CSE1L: variants seen among roughly 807,000 people sequenced by gnomAD.
The protein encoded by CSE1L is exportin-2.
Under a neutral mutation model 120.4 loss-of-function variants are expected in CSE1L, and 24 were observed. That is an observed-to-expected ratio of 0.20 (90% CI 0.14 to 0.28). The LOEUF is 0.28. Ranked by LOEUF, CSE1L falls within the 10% of genes least tolerant of loss-of-function variation. The pLI is 1.00. For synonymous variants in CSE1L, 402 were observed against 398.3 expected (o/e 1.01, Z -0.11); for missense variants, 830 against 1,145.2 (o/e 0.72, Z 3.97).
chr20:49,056,362 C>G (rs903275421), intron 1 of CSE1L, among the ~76,000 whole-genome samples: 7 of 152,144 alleles, frequency 4.6e-5, no homozygotes, highest in Non-Finnish European at 8.8e-5. Flanking sequence ...CCTCAGCCTC[C>G]CAAAGTGCTG....
intron 14 of CSE1L, among the ~76,000 whole-genome samples, chr20:49,080,945 T>A (rs1161367364): frequency 6.6e-6 from 1 of 151,890 alleles, no homozygotes; most frequent in East Asian, 1.9e-4. Context: ...CCTGGCTAAT[T>A]TTTTATACTT....
rs1003921711 is a variant in CSE1L, at chr20:49,046,442, A to G, written c.-12+19A>G. 1 of 152,232 alleles carries G rather than the reference A, an allele frequency of 6.6e-6. No individual in the cohort carries two copies. The highest frequency in any genetic ancestry group is 1.5e-5 in the Non-Finnish European group (1 of 68,088). The allele number at this position is 152,232 out of a possible 1,614,324, so 9.4% of individuals were successfully genotyped here. A position where few individuals can be genotyped will look rare whatever the true frequency, so the allele number is the denominator to read the frequency against. On this transcript the variant is annotated intron_variant, in intron 1 of 24. Coordinates refer to ENST00000262982, the MANE Select transcript of CSE1L (RefSeq NM_001316.4). ...CCACGAGGTGAGGCGCGGGGCGTGC[A>G]CGGCCTACCAGAGTGGCTCTTGGGG...
Position 49,085,288 on chromosome 20 carries a change from C to T in CSE1L, c.1625C>T (p.Thr542Ile). ...MRGPNNATLF[T>I]AAEIAPFVEI... Reference sequence around the variant, plus strand: ...AGCTGTTTTTTCATCTATAGCTTTACAGCTGCAGAAATCGCACCGTTTGTT... The same window carrying T: ...AGCTGTTTTTTCATCTATAGCTTTATAGCTGCAGAAATCGCACCGTTTGTT... Residue 542 changes from threonine to isoleucine, a missense_variant, in exon 16 of 25, where the codon ACA becomes ATA. Thr to Ile is a moderately conservative substitution (Grantham distance 89). Transcript: ENST00000262982. The T allele has an allele frequency of 6.2e-7, 1 of 1,613,388 alleles. No homozygotes were observed. Among genetic ancestry groups the T allele is most frequent in the Non-Finnish European group, 8.5e-7 (1 of 1,179,432 alleles).
chr20:49,072,813 A>C (rs2123709924), intron 10 of CSE1L, 116 bp downstream of exon 10: 1 of 1,090,700 alleles, frequency 9.2e-7, no homozygotes, highest in African/African-American at 1.6e-5. Context: ...TTTATTTCTT[A>C]TTTTCTAAAC....
In CSE1L at chr20:49,066,255, C is replaced by T. The variant is rs1380121987; in HGVS notation, c.292C>T (p.His98Tyr). Reference protein sequence around the residue: ...DRVAIKANIVHLMLSSPEQIQ... With the variant: ...DRVAIKANIVYLMLSSPEQIQ... ...AGTGGCCATTAAAGCCAACATAGTG[C>T]ACTTGATGCTTAGCAGCCCAGAGCA... Residue 98 changes from histidine (H) to tyrosine (Y), a missense_variant, in exon 4 of 25, where the codon CAC (histidine) becomes TAC (tyrosine). This residue lies in a region of CSE1L where 543 missense variants were observed against 640.2 expected (regional missense o/e 0.85). Coordinates refer to ENST00000262982, the MANE Select transcript of CSE1L (RefSeq NM_001316.4). 6.2e-7 allele frequency: 1 copy of T among 1,614,194 alleles called. No homozygotes were observed. The highest frequency in any genetic ancestry group is 1.7e-5 in the Admixed American group (1 of 60,018).
chr20:49,092,005 G>C, intron 21 of CSE1L, 41 bp from the exon 22 acceptor site: 1 of 1,100,262 alleles, frequency 9.1e-7, no homozygotes, highest in Non-Finnish European at 1.4e-6. Flanking sequence ...AGTTTAGTGC[G>C]TGAGTTCTCT....
chr20:49,090,610 G>A, intron 19 of CSE1L, 132 bp from the exon 20 acceptor site: 4 of 702,994 alleles, frequency 5.7e-6, no homozygotes, highest in Non-Finnish European at 7.2e-6. Context: ...TTCCCCATAT[G>A]TTTCAGAAAT....
intron 3 of CSE1L, among the ~76,000 whole-genome samples, chr20:49,065,175 A>T (rs543277679): frequency 6.6e-6 from 1 of 151,138 alleles, no homozygotes; most frequent in South Asian, 2.1e-4. Flanking sequence ...AAAAAAGAAT[A>T]AAAAAAATTG....
In CSE1L at chr20:49,072,203, C is replaced by G. The variant is rs2295581; in HGVS notation, c.769-83C>G. The G allele has an allele frequency of 4.5e-5, 63 of 1,403,848 alleles. No individual in the cohort carries two copies. The East Asian group carries it at 1.4e-3, about 31-fold the overall frequency. 87.0% of individuals were successfully genotyped at this position (1,403,848 alleles called of 1,614,324 possible). A position where few individuals can be genotyped will look rare whatever the true frequency, so the allele number is the denominator to read the frequency against. On this transcript the variant is annotated intron_variant, in intron 8 of 24. Coordinates refer to ENST00000262982, the MANE Select transcript of CSE1L (RefSeq NM_001316.4). Reference sequence around the variant, plus strand: ...GATTTGGATTTAATTGATAAAGAGTCTAGTTCAGGAATTTCAGTTACTCCT... The same window carrying G: ...GATTTGGATTTAATTGATAAAGAGTGTAGTTCAGGAATTTCAGTTACTCCT...
At chr20:49,061,374 G>A (rs1455663929) in intron 2 of CSE1L, among the ~76,000 whole-genome samples, 10 of 150,744 alleles carry the variant, frequency 6.6e-5, no homozygotes, top group South Asian at 4.2e-4. Flanking sequence ...GGGTTTCACC[G>A]TGTTAGCCAG....
At chr20:49,080,486 T>G (rs1368751199) in intron 14 of CSE1L, among the ~76,000 whole-genome samples, 1 of 152,184 alleles carries the variant, frequency 6.6e-6, no homozygotes, top group African/African-American at 2.4e-5. Flanking sequence ...TGAGATATAC[T>G]TTATTCTTTT....
rs763233415 is a variant in CSE1L, at chr20:49,096,439, A to AG, written c.*1_*2insG. 6.2e-7 allele frequency: 1 copy of AG among 1,611,926 alleles called. No homozygotes were observed. The highest frequency in any genetic ancestry group is 1.7e-5 in the Admixed American group (1 of 60,020). On this transcript the variant is annotated 3_prime_UTR_variant, in exon 25 of 25. Transcript: ENST00000262982. ...GGCAGCCAGTGTGACACTGCTTTAA[A>AG]CTGCATTTTTCTAATGGGCTAAACC...
intron 3 of CSE1L, among the ~76,000 whole-genome samples, chr20:49,065,313 A>AATTTTTTTTTTTTT (rs775165525): frequency 1.9e-5 from 1 of 52,080 alleles, no homozygotes; most frequent in African/African-American, 6.3e-5. Context: ...TGAAAAAAAA[A>AATTTTTTTTTTTTT]TTTTTTTTTT....
chr20:49,082,627 C>T (rs1194530377), intron 14 of CSE1L, among the ~76,000 whole-genome samples: 1 of 152,206 alleles, frequency 6.6e-6, no homozygotes, highest in African/African-American at 2.4e-5. Context: ...TCATGCCATT[C>T]TCCTGCCTCA....
chr20:49,086,105 A>G (rs2092055038), intron 16 of CSE1L, among the ~76,000 whole-genome samples: 1 of 152,138 alleles, frequency 6.6e-6, no homozygotes, highest in South Asian at 2.1e-4. Flanking sequence ...TGGTGTATCC[A>G]TCCACCAGGC....
At chr20:49,064,764 C>T (rs1438039568) in intron 3 of CSE1L, among the ~76,000 whole-genome samples, 1 of 151,360 alleles carries the variant, frequency 6.6e-6, no homozygotes, top group Non-Finnish European at 1.5e-5. Flanking sequence ...CATGCCAGCC[C>T]TCTCCCTCTA....
chr20:49,076,529 T>TC (rs2091969883), intron 12 of CSE1L, among the ~76,000 whole-genome samples: 1 of 141,712 alleles, frequency 7.1e-6, no homozygotes, highest in South Asian at 2.4e-4. Flanking sequence ...TCTTTTTTTT[T>TC]TTTTTTTTTT....
intron 1 of CSE1L, among the ~76,000 whole-genome samples, chr20:49,057,082 C>CTGGGA (rs2091814255): frequency 6.6e-6 from 1 of 152,054 alleles, no homozygotes; most frequent in Non-Finnish European, 1.5e-5. Context: ...TCCTAGCACA[C>CTGGGA]TGGGAGGCCA....
At chr20:49,058,749 G>T (rs533303897) in intron 2 of CSE1L, among the ~76,000 whole-genome samples, 1 of 151,892 alleles carries the variant, frequency 6.6e-6, no homozygotes, top group African/African-American at 2.4e-5. Context: ...GCATCTTCTG[G>T]GATTAAAAAG....
Sources: allele counts gnomAD v4.1 joint callset (sites outside exome capture counted in the v4.1 genomes callset), GRCh38; gene constraint gnomAD v4.1.1; regional missense constraint gnomAD v4.1.1; transcripts MANE v1.5; gene names NCBI Gene and HGNC (gene_info 2026-07-23, HGNC 2026-07-21).